ZNF862: variants seen among roughly 807,000 people sequenced by gnomAD.
The protein encoded by ZNF862 is zinc finger protein 862.
In ZNF862, 64 loss-of-function variants were observed where a neutral mutation model predicts 91.1. The ratio of observed to expected loss-of-function variants is 0.70; its 90% CI spans 0.57 to 0.87. The LOEUF is 0.87. ZNF862 is among the 40% of genes least tolerant of loss of function. The pLI is 0.00. For synonymous variants in ZNF862, 631 were observed against 618.1 expected (o/e 1.02, Z -0.31); for missense variants, 1,459 against 1,528.0 (o/e 0.95, Z 0.75).
At chr7:149,853,405 T>A (rs535446193) in intron 5 of ZNF862, among the ~76,000 whole-genome samples, 3 of 152,340 alleles carry the variant, frequency 2.0e-5, no homozygotes, top group Non-Finnish European at 4.4e-5. Flanking sequence ...TTTCCATTAC[T>A]AAGTCATAGA....
At chr7:149,847,500 G>C (rs965935443) in intron 3 of ZNF862, among the ~76,000 whole-genome samples, 1 of 152,074 alleles carries the variant, frequency 6.6e-6, no homozygotes, top group Non-Finnish European at 1.5e-5. Context: ...CAAAAAGGAG[G>C]GGGAGGGTTC....
At chr7:149,841,475 A>T in intron 1 of ZNF862, 1 of 980,260 alleles carries the variant, frequency 1.0e-6, no homozygotes, top group Middle Eastern at 5.3e-4. Flanking sequence ...ATGTTCATTT[A>T]TTTATTTACG....
At chr7:149,858,729 C>G (rs1419245965) in intron 5 of ZNF862, 1 of 152,984 alleles carries the variant, frequency 6.5e-6, no homozygotes, top group African/African-American at 2.4e-5. Flanking sequence ...AGTGCTTAAT[C>G]CAAAGACACA....
In ZNF862 at chr7:149,861,136, T is replaced by C. The variant is rs760049501; in HGVS notation, c.1976T>C (p.Leu659Pro). 1 of 1,613,050 alleles carries C rather than the reference T, an allele frequency of 6.2e-7. No individual in the cohort carries two copies. Among genetic ancestry groups the C allele is most frequent in the South Asian group, 1.1e-5 (1 of 91,044 alleles). Residue 659 changes from leucine (L) to proline (P), a missense_variant, in exon 7 of 8, where the codon CTG becomes CCG. Transcript: ENST00000223210. This position sits in a 1 kb window ranked among gnomAD's most constrained non-coding sequence, Gnocchi z 6.7. ...QMEVKESYIT[L>P]APLYSETADG... is the part of the protein sequence containing the mutation. ...GAGGTGAAAGAGTCCTACATCACTC[T>C]GGCCCCTCTCTACAGTGAGACAGCA...
chr7:149,860,094 T>C (rs934402774), intron 6 of ZNF862: 2 of 441,602 alleles, frequency 4.5e-6, no homozygotes, highest in Non-Finnish European at 8.0e-6. Context: ...ATTGAACTTA[T>C]TGGTATCTGG....
chr7:149,838,472 G>A lies in ZNF862; in HGVS notation c.-140G>A. ...CTACCGCCCCCCGACGTGAGAGAGCGAAGTTCTTGGGCCGCGCTCCCTCCC... is the reference window on the plus strand; with the variant it reads ...CTACCGCCCCCCGACGTGAGAGAGCAAAGTTCTTGGGCCGCGCTCCCTCCC... On this transcript the variant is annotated 5_prime_UTR_variant, in exon 1 of 8. Transcript: ENST00000223210. 6.1e-6 allele frequency: 3 copies of A among 494,800 alleles called. No homozygotes were observed. Among genetic ancestry groups the A allele is most frequent in the Non-Finnish European group, 9.5e-6 (3 of 314,550 alleles). The allele number at this position is 494,800 out of a possible 1,614,324, so 30.7% of individuals were successfully genotyped here. A position where few individuals can be genotyped will look rare whatever the true frequency, so the allele number is the denominator to read the frequency against.
intron 3 of ZNF862, 57 bp downstream of exon 3, chr7:149,846,312 G>A: frequency 7.4e-7 from 1 of 1,358,392 alleles, no homozygotes; most frequent in Non-Finnish European, 1.0e-6. Flanking sequence ...AGCATGGGCA[G>A]CCCCAGGACT....
Position 149,846,218 on chromosome 7 carries a change from CG to C in ZNF862, c.205del (p.Val69SerfsTer66). On this transcript the variant is annotated frameshift_variant, in exon 3 of 8. Transcript: ENST00000223210. LOFTEE classifies it high-confidence loss of function. Reference protein sequence around the residue: ...GRGPEPWLGSVQGQRSLLEHH... With the variant: ...GRGPEPWLGSXQGQRSLLEHH... ...GAGGGCCAGAGCCATGGCTTGGCAGCGTCCAGGGCCAGAGGAGCCTTCTGGA... is the reference window on the plus strand; with the variant it reads ...GAGGGCCAGAGCCATGGCTTGGCAGCTCCAGGGCCAGAGGAGCCTTCTGGA... 1 of 1,613,648 alleles carries C rather than the reference CG, an allele frequency of 6.2e-7. No homozygotes were observed. Among genetic ancestry groups the C allele is most frequent in the Non-Finnish European group, 8.5e-7 (1 of 1,179,806 alleles).
chr7:149,851,159 G>A (rs190489388), intron 5 of ZNF862, among the ~76,000 whole-genome samples: 1 of 152,212 alleles, frequency 6.6e-6, no homozygotes, highest in Non-Finnish European at 1.5e-5. Context: ...GTGCAGTGGC[G>A]TGATCTTGGT....
In ZNF862 at chr7:149,860,916, G is replaced by T; in HGVS notation, c.1756G>T (p.Gly586Trp). 6.2e-7 allele frequency: 1 copy of T among 1,613,806 alleles called. No individual in the cohort carries two copies. Reference sequence around the variant, plus strand: ...GATCCTGCAGCTCCTCCAAAGCACGGGGACCGTGATATTAGGCAAGTACCG... The same window carrying T: ...GATCCTGCAGCTCCTCCAAAGCACGTGGACCGTGATATTAGGCAAGTACCG... ...EKILQLLQST[G>W]TVILGKYRNR... The change falls in exon 7 of 8, where the codon GGG (glycine) becomes TGG (tryptophan). Residue 586 changes from glycine (G) to tryptophan (W), a missense_variant. Coordinates refer to ENST00000223210, the MANE Select transcript of ZNF862 (RefSeq NM_001099220.3).
At position 149,859,514 on chromosome 7, in the gene ZNF862, G is replaced by A. The variant is rs897515723; in HGVS notation, c.1210G>A (p.Gly404Ser). ...CCCAAATGGGCCAAAGTGGGGGAAA[G>A]GTCGTCCTCCAGGTGAGTGTAAACC... ...KDPNGPKWGK[G>S]RPPGNKKMVA... The change falls in exon 6 of 8, where the codon GGT becomes AGT. Residue 404 changes from glycine (G) to serine (S), a missense_variant. Physicochemically the swap from Gly to Ser is moderately conservative, Grantham distance 56 (BLOSUM62 0). Transcript: ENST00000223210. 2 of 1,575,770 alleles carry A rather than the reference G, an allele frequency of 1.3e-6. No individual in the cohort carries two copies. The highest frequency in any genetic ancestry group is 2.7e-5 in the African/African-American group (2 of 74,130).
At chr7:149,847,712 T>A in intron 3 of ZNF862, 23 bp from the exon 4 acceptor site, 1 of 1,571,830 alleles carries the variant, frequency 6.4e-7, no homozygotes, top group South Asian at 1.2e-5. Context: ...TTAAAGCCAA[T>A]CCCTTCTGTC....
chr7:149,856,603 C>T (rs748065662), intron 5 of ZNF862, among the ~76,000 whole-genome samples: 7 of 152,200 alleles, frequency 4.6e-5, no homozygotes, highest in Non-Finnish European at 8.8e-5. Context: ...TTCCACGTGA[C>T]GGGACATCCT....
Position 149,839,376 on chromosome 7 carries a change from A to G in ZNF862, c.24+741A>G, listed in dbSNP as rs142367676. On this transcript the variant is annotated intron_variant, in intron 1 of 7. Coordinates refer to ENST00000223210, the MANE Select transcript of ZNF862 (RefSeq NM_001099220.3). ...TGCCAGTTCTTGAGTATTGTTTCTT[A>G]TTTGGCACAGAGGAGAATTCTCTCA... is the stretch of plus-strand genomic sequence containing the variant. Among the ~76,000 whole-genome samples the G allele has an allele frequency of 1.7e-3, 264 of 152,214 alleles. 1 individual carries two copies. The highest frequency in any genetic ancestry group is 3.2e-3 in the Non-Finnish European group (215 of 68,004).
rs967398039 is a variant in ZNF862 at position 149,850,544 on chromosome 7, C to T, written c.1117+206C>T. On this transcript the variant is annotated intron_variant, in intron 5 of 7. Coordinates refer to ENST00000223210, the MANE Select transcript of ZNF862 (RefSeq NM_001099220.3). This position sits in a 1 kb window ranked among gnomAD's most constrained non-coding sequence, Gnocchi z 4.2. Reference sequence around the variant, plus strand: ...TCATCCACCCACCTGTTCATCCATTCGTCCCCCACCAAACATTTTGGAGTA... The same window carrying T: ...TCATCCACCCACCTGTTCATCCATTTGTCCCCCACCAAACATTTTGGAGTA... 9 of 551,658 alleles carry T rather than the reference C, an allele frequency of 1.6e-5. No individual in the cohort carries two copies. The highest frequency in any genetic ancestry group is 2.2e-5 in the Non-Finnish European group (7 of 313,624). The allele number at this position is 551,658 out of a possible 1,614,324, so 34.2% of individuals were successfully genotyped here.
rs1424330831 is a variant in ZNF862, at chr7:149,864,578, C to T, written c.*294C>T. On this transcript the variant is annotated 3_prime_UTR_variant, in exon 8 of 8. Transcript: ENST00000223210. Reference sequence around the variant, plus strand: ...TAACCCCATCATGAAAGGTTTCAGCCCCTGAGTTTTGGTGGCAAGAGGAGT... The same window carrying T: ...TAACCCCATCATGAAAGGTTTCAGCTCCTGAGTTTTGGTGGCAAGAGGAGT... 3.3e-5 allele frequency: 11 copies of T among 335,716 alleles called. No individual in the cohort carries two copies. Among genetic ancestry groups the T allele is most frequent in the Non-Finnish European group, 3.3e-5 (6 of 181,200 alleles). The allele number at this position is 335,716 out of a possible 1,614,324, so 20.8% of individuals were successfully genotyped here.
Position 149,850,564 on chromosome 7 carries a change from G to A in ZNF862, c.1117+226G>A. On this transcript the variant is annotated intron_variant, in intron 5 of 7. Coordinates refer to ENST00000223210, the MANE Select transcript of ZNF862 (RefSeq NM_001099220.3). This position sits in a 1 kb window ranked among gnomAD's most constrained non-coding sequence, Gnocchi z 4.2. Reference sequence around the variant, plus strand: ...CCATTCGTCCCCCACCAAACATTTTGGAGTACCTACTATGTGCCAGATGAA... The same window carrying A: ...CCATTCGTCCCCCACCAAACATTTTAGAGTACCTACTATGTGCCAGATGAA... 1.9e-6 allele frequency: 1 copy of A among 523,538 alleles called. No individual in the cohort carries two copies. Among genetic ancestry groups the A allele is most frequent in the East Asian group, 3.2e-5 (1 of 30,778 alleles). The allele number at this position is 523,538 out of a possible 1,614,324, so 32.4% of individuals were successfully genotyped here.
rs1801596572 is a variant in ZNF862, at chr7:149,838,544, C to T, written c.-68C>T. The T allele has an allele frequency of 2.7e-6, 3 of 1,108,520 alleles. No homozygotes were observed. The highest frequency in any genetic ancestry group is 3.4e-6 in the Non-Finnish European group (3 of 875,048). The allele number at this position is 1,108,520 out of a possible 1,614,324, so 68.7% of individuals were successfully genotyped here. ...CGGGAGCCTGGGTCCCCGGGGCGGT[C>T]GCGGCGGCTGCATCCTCAGGCCAGG... On this transcript the variant is annotated 5_prime_UTR_variant, in exon 1 of 8. Transcript: ENST00000223210.
chr7:149,850,149 T>A lies in ZNF862; in HGVS notation c.940-12T>A. The A allele has an allele frequency of 6.4e-7, 1 of 1,555,842 alleles. No homozygotes were observed. Among genetic ancestry groups the A allele is most frequent in the Non-Finnish European group, 8.7e-7 (1 of 1,150,406 alleles). On this transcript the variant is annotated splice_polypyrimidine_tract_variant and intron_variant, in intron 4 of 7. Transcript: ENST00000223210. This position sits in a 1 kb window ranked among gnomAD's most constrained non-coding sequence, Gnocchi z 4.2. ...GCAGGCGGTGCTGAGTGGCCGCTGCTCTTTGTTCCAGGACCCTTCTGCAGA... is the reference window on the plus strand; with the variant it reads ...GCAGGCGGTGCTGAGTGGCCGCTGCACTTTGTTCCAGGACCCTTCTGCAGA...
Sources: gnomAD v4.1 joint callset for allele counts (sites outside exome capture counted in the v4.1 genomes callset) on GRCh38, gnomAD v4.1.1 for gene constraint, Gnocchi (gnomAD v3.1) non-coding constraint, MANE v1.5 for transcripts, NCBI Gene and HGNC (gene_info 2026-07-23, HGNC 2026-07-21) for gene names.